GXYLT2: variants seen among roughly 807,000 people sequenced by gnomAD.
GXYLT2 encodes the protein glucoside xylosyltransferase 2.
A neutral mutation model predicts 45.8 loss-of-function variants in GXYLT2; 53 were observed. The ratio of observed to expected loss-of-function variants is 1.16; its 90% CI spans 0.93 to 1.46. The LOEUF (loss-of-function observed/expected upper bound fraction) is 1.46, where lower values mean the gene tolerates loss of function less well. GXYLT2 is among the 40% of genes most tolerant of loss of function. GXYLT2 has a pLI of 0.00. For missense variants in GXYLT2, 551 were observed against 544.4 expected (o/e 1.01, Z -0.12); for synonymous variants, 219 against 214.2 (o/e 1.02, Z -0.19).
chr3:72,939,390 A>ACACC (rs370301985), intron 3 of GXYLT2, among the ~76,000 whole-genome samples: 58 of 151,908 alleles, frequency 3.8e-4, no homozygotes, highest in African/African-American at 1.4e-3. Context: ...AGCCGAGATC[A>ACACC]CACCACTGCA....
chr3:72,899,507 G>A (rs1709360571), intron 1 of GXYLT2, among the ~76,000 whole-genome samples: 1 of 152,144 alleles, frequency 6.6e-6, no homozygotes, highest in African/African-American at 2.4e-5. Flanking sequence ...TTAACTGTTA[G>A]CAAAGTCCTT....
At chr3:72,908,804 C>T (rs1412685253) in intron 2 of GXYLT2, among the ~76,000 whole-genome samples, 3 of 152,282 alleles carry the variant, frequency 2.0e-5, no homozygotes, top group Non-Finnish European at 4.4e-5. Context: ...GTGGTGCAAT[C>T]TCGGCTCACT....
chr3:72,921,556 G>A (rs1709833826), intron 2 of GXYLT2, among the ~76,000 whole-genome samples: 1 of 152,042 alleles, frequency 6.6e-6, no homozygotes, highest in East Asian at 1.9e-4. Flanking sequence ...AGCCTCCCGA[G>A]TAGCTGGGAC....
chr3:72,973,900 T>G (rs1004860782), intron 6 of GXYLT2, among the ~76,000 whole-genome samples: 3 of 152,334 alleles, frequency 2.0e-5, no homozygotes, highest in Non-Finnish European at 4.4e-5. Flanking sequence ...GAGAACCTTC[T>G]TGCATTACAT....
intron 1 of GXYLT2, among the ~76,000 whole-genome samples, chr3:72,905,464 T>C (rs1300356902): frequency 1.3e-5 from 2 of 152,068 alleles, no homozygotes; most frequent in African/African-American, 4.8e-5. Flanking sequence ...GTCTGGTTTA[T>C]TTTTTTTCAC....
intron 3 of GXYLT2, among the ~76,000 whole-genome samples, chr3:72,943,330 T>A (rs1461748579): frequency 6.6e-6 from 1 of 152,084 alleles, no homozygotes; most frequent in Admixed American, 6.6e-5. Context: ...AAAGCAATCT[T>A]TATTTTAACT....
chr3:72,963,972 G>T (rs945519405), intron 5 of GXYLT2, among the ~76,000 whole-genome samples: 4 of 151,740 alleles, frequency 2.6e-5, no homozygotes, highest in Non-Finnish European at 5.9e-5. Flanking sequence ...ACCATACCCG[G>T]ACAAATTTTT....
intron 3 of GXYLT2, among the ~76,000 whole-genome samples, chr3:72,941,777 G>GA (rs386397029): frequency 1.4e-5 from 2 of 144,122 alleles, no homozygotes. Flanking sequence ...CAACATCTGT[G>GA]AAAAAAAGGA....
chr3:72,925,833 A>C (rs1255531640), intron 3 of GXYLT2, among the ~76,000 whole-genome samples: 1 of 152,196 alleles, frequency 6.6e-6, no homozygotes. Flanking sequence ...TTGAATGACA[A>C]ATGGGTGCTG....
At chr3:72,918,328 C>G (rs1339082845) in intron 2 of GXYLT2, among the ~76,000 whole-genome samples, 1 of 152,186 alleles carries the variant, frequency 6.6e-6, no homozygotes, top group Non-Finnish European at 1.5e-5. Context: ...GACATTATCA[C>G]TAATGACTAC....
intron 3 of GXYLT2, among the ~76,000 whole-genome samples, chr3:72,924,471 T>C (rs1039331421): frequency 6.6e-6 from 1 of 152,154 alleles, no homozygotes; most frequent in African/African-American, 2.4e-5. Flanking sequence ...CCCACAGTGC[T>C]GGAATTGCAG....
chr3:72,902,927 C>G (rs1031523433), intron 1 of GXYLT2, among the ~76,000 whole-genome samples: 3 of 152,138 alleles, frequency 2.0e-5, no homozygotes, highest in African/African-American at 7.2e-5. Context: ...GCAGGAGAAT[C>G]GTTTGAACCT....
At chr3:72,930,881 AC>A (rs1336301963) in intron 3 of GXYLT2, among the ~76,000 whole-genome samples, 3 of 152,154 alleles carry the variant, frequency 2.0e-5, no homozygotes, top group African/African-American at 4.8e-5. Context: ...GGCATGAGCC[AC>A]TGCACCCAGC....
At chr3:72,906,322 C>T (rs991602504) in intron 1 of GXYLT2, among the ~76,000 whole-genome samples, 1 of 152,116 alleles carries the variant, frequency 6.6e-6, no homozygotes, top group Non-Finnish European at 1.5e-5. Flanking sequence ...TCCCCCTAGA[C>T]GTGCACATGG....
chr3:72,905,064 C>CAA (rs1177216917), intron 1 of GXYLT2, among the ~76,000 whole-genome samples: 106 of 35,612 alleles, frequency 3.0e-3, no homozygotes, highest in East Asian at 5.8e-3. Flanking sequence ...GATTCTGTCT[C>CAA]AAAAAAAAAA....
chr3:72,967,716 G>A lies in GXYLT2; in HGVS notation c.1146G>A (p.Arg382=), dbSNP rs1470184768. 1 of 1,613,274 alleles carries A rather than the reference G, an allele frequency of 6.2e-7. No individual in the cohort carries two copies. The highest frequency in any genetic ancestry group is 1.3e-5 in the African/African-American group (1 of 74,892). ...PTFRALYEAI[R]DFPFQDNLFQ... The stretch of plus-strand genomic sequence containing the variant: ...TCAGAGCACTCTATGAAGCAATACG[G>A]GATGTAAGTGTGCCCTTGCTGCTGT... Residue 382 remains arginine, a synonymous_variant, in exon 6 of 7, where the codon CGG becomes CGA. Coordinates refer to ENST00000389617, the MANE Select transcript of GXYLT2 (RefSeq NM_001080393.2).
rs557220829 is a variant in GXYLT2 at position 72,975,461 on chromosome 3, C to A, written c.*302C>A. 11 of 229,782 alleles carry A rather than the reference C, an allele frequency of 4.8e-5. No homozygotes were observed. Among genetic ancestry groups the A allele is most frequent in the East Asian group, 4.4e-4 (5 of 11,304 alleles). The allele number at this position is 229,782 out of a possible 1,614,324, so 14.2% of individuals were successfully genotyped here. On this transcript the variant is annotated 3_prime_UTR_variant, in exon 7 of 7. Transcript: ENST00000389617. ...TTTTGTGAGCCTTCTAATTCCTAAACGTCTGAGACCATTTCAGTGGCACCT... is the reference window on the plus strand; with the variant it reads ...TTTTGTGAGCCTTCTAATTCCTAAAAGTCTGAGACCATTTCAGTGGCACCT...
intron 3 of GXYLT2, among the ~76,000 whole-genome samples, chr3:72,954,038 C>T (rs542492153): frequency 1.3e-5 from 2 of 152,290 alleles, no homozygotes; most frequent in South Asian, 4.1e-4. Flanking sequence ...GTGCAGTGAG[C>T]CAAGAGCATG....
At chr3:72,965,460 G>T (rs781725646) in intron 5 of GXYLT2, among the ~76,000 whole-genome samples, 7 of 152,160 alleles carry the variant, frequency 4.6e-5, no homozygotes, top group Non-Finnish European at 1.0e-4. Flanking sequence ...CTCTCTCACA[G>T]GGTCTTTCTC....
Sources: gnomAD v4.1 joint callset for allele counts (sites outside exome capture counted in the v4.1 genomes callset) on GRCh38, gnomAD v4.1.1 for gene constraint, MANE v1.5 for transcripts, NCBI Gene and HGNC (gene_info 2026-07-23, HGNC 2026-07-21) for gene names.